The following RUNX2 variants were observed in gnomAD, a reference collection of about 807,000 sequenced individuals.
RUNX2 encodes the protein RUNX family transcription factor 2.
In RUNX2, 10 loss-of-function variants were observed where a neutral mutation model predicts 51.7. The observed-to-expected ratio is 0.19, with a 90% CI of 0.12 to 0.33. RUNX2 has a LOEUF of 0.33. Among genes scored for constraint, RUNX2 ranks in the 10% least tolerant of loss-of-function variants. The pLI is 1.00. For synonymous variants in RUNX2, 276 were observed against 273.6 expected (o/e 1.01, Z -0.09); for missense variants, 562 against 691.3 (o/e 0.81, Z 2.10).
chr6:45,462,372 A>G (rs759426923), intron 5 of RUNX2, among the ~76,000 whole-genome samples: 1 of 152,210 alleles, frequency 6.6e-6, no homozygotes, highest in Non-Finnish European at 1.5e-5. Context: ...ATTGACATCG[A>G]TAGTCTTATA....
chr6:45,488,401 G>A (rs1166398919), intron 5 of RUNX2, among the ~76,000 whole-genome samples: 1 of 152,080 alleles, frequency 6.6e-6, no homozygotes, highest in African/African-American at 2.4e-5. Flanking sequence ...GACATCCCAG[G>A]GTAGATGTCA....
intron 5 of RUNX2, among the ~76,000 whole-genome samples, chr6:45,477,436 C>T (rs537148334): frequency 6.6e-6 from 1 of 152,306 alleles, no homozygotes; most frequent in African/African-American, 2.4e-5. Context: ...ACTTCAAACT[C>T]ATGGCCAACA....
At chr6:45,458,188 G>A (rs1489607652) in intron 5 of RUNX2, among the ~76,000 whole-genome samples, 5 of 151,980 alleles carry the variant, frequency 3.3e-5, no homozygotes, top group Non-Finnish European at 7.4e-5. Context: ...CACCATGCCT[G>A]GCTAATTTTT....
chr6:45,512,184 T>C, intron 6 of RUNX2, 62 bp from the exon 7 acceptor site: 1 of 1,554,672 alleles, frequency 6.4e-7, no homozygotes, highest in African/African-American at 1.4e-5. Context: ...GAGTTTTGGG[T>C]TGCATGTTTC....
intron 2 of RUNX2, among the ~76,000 whole-genome samples, chr6:45,395,045 G>T (rs992613664): frequency 6.6e-6 from 1 of 152,070 alleles, no homozygotes; most frequent in Non-Finnish European, 1.5e-5. Context: ...AGTCTCCAGC[G>T]CTTAATGAAT....
chr6:45,495,595 C>T (rs1171020734), intron 6 of RUNX2, among the ~76,000 whole-genome samples: 1 of 152,070 alleles, frequency 6.6e-6, no homozygotes, highest in East Asian at 1.9e-4. Context: ...CAGGAAGGGC[C>T]CAGTTTCCTC....
chr6:45,444,879 A>G (rs906756515), intron 5 of RUNX2, among the ~76,000 whole-genome samples: 1 of 151,932 alleles, frequency 6.6e-6, no homozygotes, highest in African/African-American at 2.4e-5. Context: ...AGGGGTTGAC[A>G]TTTTTCTCTT....
chr6:45,353,778 C>T lies in RUNX2; in HGVS notation c.58+24994C>T, dbSNP rs538634207. ...TTCAACTATATGAGCAATGAAAACT[C>T]ATTTTTTTTTTTAATCACTATATAC... On this transcript the variant is annotated intron_variant, in intron 2 of 8. Coordinates refer to ENST00000647337, the MANE Select transcript of RUNX2 (RefSeq NM_001024630.4). Among the ~76,000 whole-genome samples, 3 of 151,462 alleles carry T rather than the reference C, an allele frequency of 2.0e-5. No individual in the cohort carries two copies. In the South Asian group the frequency reaches 6.3e-4, roughly 32 times the overall value.
chr6:45,445,921 C>CT (rs200663297), intron 5 of RUNX2, among the ~76,000 whole-genome samples: 31 of 150,752 alleles, frequency 2.1e-4, no homozygotes, highest in African/African-American at 6.6e-4. Flanking sequence ...TCTTTCAGTC[C>CT]TTTTTTTTTG....
chr6:45,491,731 A>G (rs1268218351), intron 5 of RUNX2, among the ~76,000 whole-genome samples: 1 of 147,842 alleles, frequency 6.8e-6, no homozygotes, highest in Non-Finnish European at 1.5e-5. Flanking sequence ...TCAGCTCTCC[A>G]TTTATAAAAC....
chr6:45,421,041 C>A (rs1798172987), intron 2 of RUNX2: 1 of 152,118 alleles, frequency 6.6e-6, no homozygotes, highest in African/African-American at 2.4e-5. Flanking sequence ...TAAACCCACA[C>A]TAGGAAATAA....
intron 7 of RUNX2, among the ~76,000 whole-genome samples, chr6:45,538,307 A>C (rs937928388): frequency 3.9e-5 from 6 of 152,354 alleles, no homozygotes; most frequent in Non-Finnish European, 8.8e-5. Flanking sequence ...ATGTTATCAA[A>C]TAAGAGTTGG....
At chr6:45,394,961 G>T (rs559823383) in intron 2 of RUNX2, among the ~76,000 whole-genome samples, 3 of 152,170 alleles carry the variant, frequency 2.0e-5, no homozygotes, top group Non-Finnish European at 2.9e-5. Context: ...GGTGTGTGTG[G>T]GGGGGAGGCA....
intron 2 of RUNX2, among the ~76,000 whole-genome samples, chr6:45,373,688 C>T (rs557859565): frequency 3.3e-5 from 5 of 152,124 alleles, no homozygotes; most frequent in South Asian, 2.1e-4. Context: ...GTACCTGGGA[C>T]TACAGGCATG....
intron 7 of RUNX2, among the ~76,000 whole-genome samples, chr6:45,517,159 C>T (rs756118092): frequency 3.7e-4 from 56 of 152,110 alleles, no homozygotes; most frequent in Non-Finnish European, 6.9e-4. Context: ...TTGGCTGCCT[C>T]AGTTACTCTG....
At chr6:45,367,930 T>C (rs1173089139) in intron 2 of RUNX2, among the ~76,000 whole-genome samples, 1 of 152,202 alleles carries the variant, frequency 6.6e-6, no homozygotes, top group Non-Finnish European at 1.5e-5. Flanking sequence ...TTATTTCCCA[T>C]ACCCACATTG....
chr6:45,453,513 T>A (rs1799232742), intron 5 of RUNX2, among the ~76,000 whole-genome samples: 1 of 152,186 alleles, frequency 6.6e-6, no homozygotes, highest in African/African-American at 2.4e-5. Context: ...GATTATCTGT[T>A]CTCCCCTGAG....
chr6:45,455,972 C>T (rs988097832), intron 5 of RUNX2, among the ~76,000 whole-genome samples: 11 of 151,998 alleles, frequency 7.2e-5, no homozygotes, highest in Non-Finnish European at 1.3e-4. Flanking sequence ...GGTGAAAATA[C>T]GACATTGTTA....
intron 5 of RUNX2, among the ~76,000 whole-genome samples, chr6:45,480,120 A>G (rs910348980): frequency 1.3e-5 from 2 of 152,240 alleles, no homozygotes; most frequent in Non-Finnish European, 2.9e-5. Flanking sequence ...ACCTGGCTGA[A>G]TAAAGCAATT....
Sources: gnomAD v4.1 joint callset for allele counts (sites outside exome capture counted in the v4.1 genomes callset) on GRCh38, gnomAD v4.1.1 for gene constraint, MANE v1.5 for transcripts, NCBI Gene and HGNC (gene_info 2026-07-23, HGNC 2026-07-21) for gene names.